GBA2: variants seen among roughly 807,000 people sequenced by gnomAD.
GBA2 encodes non-lysosomal glucosylceramidase.
In GBA2, 79 loss-of-function variants were observed where a neutral mutation model predicts 112.9. That is an observed-to-expected ratio of 0.70 (90% CI 0.58 to 0.84). The LOEUF is 0.84. Ranked by LOEUF, GBA2 falls within the 40% of genes least tolerant of loss-of-function variation. GBA2 has a pLI of 0.00. For missense variants in GBA2, 1,043 were observed against 1,190.0 expected, an observed-to-expected ratio of 0.88 and a Z score of 1.82; for synonymous variants, 403 against 434.3, an observed-to-expected ratio of 0.93 and a Z score of 0.90.
chr9:35,741,054 AGG>A lies in GBA2; in HGVS notation c.795_796del (p.Leu266AlafsTer12). ...ATCCCACACAAAGACTCCTACAGGC[AGG>A]CTGCTGTCCTGGGGGCAGAAGATTA... is the stretch of plus-strand genomic sequence containing the variant. On this transcript the variant is annotated frameshift_variant, in exon 5 of 17. Coordinates refer to ENST00000378103, the MANE Select transcript of GBA2 (RefSeq NM_020944.3). LOFTEE classifies it high-confidence loss of function. The surrounding 1 kb of genome is among the most constrained non-coding windows in gnomAD (Gnocchi z 4.6). The A allele has an allele frequency of 6.2e-7, 1 of 1,614,134 alleles. No individual in the cohort carries two copies. Among genetic ancestry groups the A allele is most frequent in the Non-Finnish European group, 8.5e-7 (1 of 1,180,014 alleles).
intron 1 of GBA2, 130 bp downstream of exon 1, chr9:35,748,216 G>A: frequency 1.6e-6 from 1 of 635,986 alleles, no homozygotes; most frequent in Non-Finnish European, 2.8e-6. Context: ...CCTAAAATAT[G>A]CCAGGGATAG....
Position 35,738,142 on chromosome 9 carries a change from G to A in GBA2, c.2208C>T (p.Tyr736=). The change falls in exon 15 of 17, where the codon TAC becomes TAT. Residue 736 remains tyrosine (Y), a synonymous_variant. Coordinates refer to ENST00000378103, the MANE Select transcript of GBA2 (RefSeq NM_020944.3). Reference sequence around the variant, plus strand: ...GAGGCCGAGAGCTGCTGTCATAGTTGTAATAGCGGCCTGGAGTCGAGGAAG... The same window carrying A: ...GAGGCCGAGAGCTGCTGTCATAGTTATAATAGCGGCCTGGAGTCGAGGAAG... The part of the protein sequence containing the change: ...YERLLWNGRY[Y]NYDSSSRPQS... 6.2e-7 allele frequency: 1 copy of A among 1,613,882 alleles called. No individual in the cohort carries two copies. Among genetic ancestry groups the A allele is most frequent in the Non-Finnish European group, 8.5e-7 (1 of 1,179,734 alleles).
Position 35,737,082 on chromosome 9 carries a change from CAG to C in GBA2, c.*85_*86del. 24 of 1,531,372 alleles carry C rather than the reference CAG, an allele frequency of 1.6e-5. No homozygotes were observed. The highest frequency in any genetic ancestry group is 2.1e-5 in the Non-Finnish European group (24 of 1,145,964). The allele number at this position is 1,531,372 out of a possible 1,614,324, so 94.9% of individuals were successfully genotyped here. On this transcript the variant is annotated 3_prime_UTR_variant, in exon 17 of 17. Transcript: ENST00000378103. The surrounding 1 kb of genome is among the most constrained non-coding windows in gnomAD (Gnocchi z 4.1). ...AAGGGGTATGATTGTCCTGATGGCTCAGGGTTGCAGGAGGTTCAGAGGGGAAG... is the reference window on the plus strand; with the variant it reads ...AAGGGGTATGATTGTCCTGATGGCTCGGTTGCAGGAGGTTCAGAGGGGAAG...
chr9:35,740,123 C>T lies in GBA2; in HGVS notation c.1284G>A (p.Arg428=). Residue 428 remains arginine, a splice_region_variant and synonymous_variant, in exon 8 of 17, where the codon AGG becomes AGA. Coordinates refer to ENST00000378103, the MANE Select transcript of GBA2 (RefSeq NM_020944.3). This position sits in a 1 kb window ranked among gnomAD's most constrained non-coding sequence, Gnocchi z 4.7. ...CCTGGCCAAAGAACCTTGTATACCG[C>T]CTGGGGTGGGAAGGGGAAGGATGAA... ...MFGAKGQVHY[R]RYTRFFGQDG... is the part of the protein sequence containing the mutation. 1.2e-6 allele frequency: 2 copies of T among 1,614,096 alleles called. No individual in the cohort carries two copies. The highest frequency in any genetic ancestry group is 1.3e-5 in the African/African-American group (1 of 75,002).
intron 1 of GBA2, among the ~76,000 whole-genome samples, 155 bp from the exon 2 acceptor site, chr9:35,744,861 C>G (rs1826896399): frequency 1.3e-5 from 2 of 152,116 alleles, no homozygotes; most frequent in Non-Finnish European, 2.9e-5. Flanking sequence ...GTTCAAGGTC[C>G]CTTCATCTTC....
intron 3 of GBA2, among the ~76,000 whole-genome samples, chr9:35,743,507 A>G (rs1160326712): frequency 6.6e-6 from 1 of 152,166 alleles, no homozygotes; most frequent in Non-Finnish European, 1.5e-5. Flanking sequence ...GCAGAGAGGG[A>G]TCTTGGGACA....
chr9:35,741,014 C>T lies in GBA2; in HGVS notation c.837G>A (p.Gly279=). The part of the protein sequence containing the change: ...GVFVWDVENE[G]DEALDVSIMF... ...TGATGGACACATCTAGAGCTTCGTC[C>T]CCTTCATTTTCCACATCCCACACAA... The change falls in exon 5 of 17, where the codon GGG becomes GGA. Residue 279 remains glycine (G), a synonymous_variant. Transcript: ENST00000378103. This position sits in a 1 kb window ranked among gnomAD's most constrained non-coding sequence, Gnocchi z 4.6. 1 of 1,613,982 alleles carries T rather than the reference C, an allele frequency of 6.2e-7. No homozygotes were observed.
In GBA2 at chr9:35,738,101, A is replaced by G. The variant is rs1405562846; in HGVS notation, c.2249T>C (p.Met750Thr). 3.1e-6 allele frequency: 5 copies of G among 1,613,912 alleles called. No homozygotes were observed. The highest frequency in any genetic ancestry group is 2.7e-5 in the African/African-American group (2 of 74,934). Residue 750 changes from methionine (M) to threonine (T), a missense_variant, in exon 15 of 17, where the codon ATG (methionine) becomes ACG (threonine). Coordinates refer to ENST00000378103, the MANE Select transcript of GBA2 (RefSeq NM_020944.3). Reference protein sequence around the residue: ...SSSRPQSRSVMSDQCAGQWFL... With the variant: ...SSSRPQSRSVTSDQCAGQWFL... ...CCACTGTCCAGCACACTGGTCAGAC[A>G]TAACACTACGAGACTGAGGCCGAGA...
intron 9 of GBA2, 92 bp from the exon 10 acceptor site, chr9:35,739,511 ATT>A: frequency 7.8e-7 from 1 of 1,277,424 alleles, no homozygotes; most frequent in African/African-American, 1.5e-5. Flanking sequence ...GAGGTGGGGC[ATT>A]GTTACTAGTC....
chr9:35,739,795 A>C lies in GBA2; in HGVS notation c.1415T>G (p.Leu472Arg). The change falls in exon 9 of 17, where the codon CTG becomes CGG. Residue 472 changes from leucine (L) to arginine (R), a missense_variant. Transcript: ENST00000378103. ...WQSPVLDDRS[L>R]PAWYKSALFN... is the part of the protein sequence containing the mutation. Reference sequence around the variant, plus strand: ...CAGCGCAGATTTGTACCAGGCAGGCAGTGATCTGGGAAGCGAGGAGGAGGA... The same window carrying C: ...CAGCGCAGATTTGTACCAGGCAGGCCGTGATCTGGGAAGCGAGGAGGAGGA... 1 of 1,613,878 alleles carries C rather than the reference A, an allele frequency of 6.2e-7. No homozygotes were observed. The highest frequency in any genetic ancestry group is 8.5e-7 in the Non-Finnish European group (1 of 1,179,774).
chr9:35,743,138 C>G (rs1200934092), intron 3 of GBA2: 2 of 153,740 alleles, frequency 1.3e-5, no homozygotes, highest in African/African-American at 4.8e-5. Flanking sequence ...GGTCCTGGGC[C>G]CAACCCCCCA....
In GBA2 at chr9:35,737,068, T is replaced by C. The variant is rs1403492428; in HGVS notation, c.*101A>G. ...GGTGGAGAGAAGGGAAGGGGTATGATTGTCCTGATGGCTCAGGGTTGCAGG... is the reference window on the plus strand; with the variant it reads ...GGTGGAGAGAAGGGAAGGGGTATGACTGTCCTGATGGCTCAGGGTTGCAGG... On this transcript the variant is annotated 3_prime_UTR_variant, in exon 17 of 17. Coordinates refer to ENST00000378103, the MANE Select transcript of GBA2 (RefSeq NM_020944.3). The surrounding 1 kb of genome is among the most constrained non-coding windows in gnomAD (Gnocchi z 4.1). The C allele has an allele frequency of 2.6e-6, 4 of 1,515,046 alleles. No homozygotes were observed. In the Admixed American group the frequency reaches 8.1e-5, roughly 31 times the overall value. The allele number at this position is 1,515,046 out of a possible 1,614,324, so 93.9% of individuals were successfully genotyped here.
chr9:35,739,201 G>A (rs185192911), intron 10 of GBA2, 92 bp from the exon 11 acceptor site: 19 of 1,019,432 alleles, frequency 1.9e-5, no homozygotes, highest in Admixed American at 1.8e-5. Flanking sequence ...GAACCAGTAA[G>A]CAGCATGCAG....
chr9:35,743,912 C>G (rs781760556), intron 3 of GBA2, among the ~76,000 whole-genome samples: 1 of 152,036 alleles, frequency 6.6e-6, no homozygotes, highest in Non-Finnish European at 1.5e-5. Context: ...TCTTTTTTTC[C>G]CATGAGTTTA....
rs1422345756 is a variant in GBA2 at position 35,737,346 on chromosome 9, C to G, written c.2607G>C (p.Gln869His). 1 of 1,614,174 alleles carries G rather than the reference C, an allele frequency of 6.2e-7. No individual in the cohort carries two copies. The highest frequency in any genetic ancestry group is 1.7e-5 in the Admixed American group (1 of 60,028). The change falls in exon 17 of 17, where the codon CAG becomes CAC. Residue 869 changes from glutamine (Q) to histidine (H), a missense_variant. Coordinates refer to ENST00000378103, the MANE Select transcript of GBA2 (RefSeq NM_020944.3). The surrounding 1 kb of genome is among the most constrained non-coding windows in gnomAD (Gnocchi z 4.1). ...AFQTPEAYCQ[Q>H]RVFRSLAYMR... is the part of the protein sequence containing the mutation. ...TGTAGGCCAGTGAGCGGAACACTCG[C>G]TGCTGGCAGTATGCCTCTGGGGTCT...
At position 35,748,240 on chromosome 9, in the gene GBA2, C is replaced by T. The variant is rs1827091295; in HGVS notation, c.359+106G>A. The stretch of plus-strand genomic sequence containing the variant: ...TGCCAGGGATAGGGACCGCTTCACT[C>T]AGACAAGAAGCCCAACTGCTTTCTT... On this transcript the variant is annotated intron_variant, in intron 1 of 16. Transcript: ENST00000378103. 7 of 729,782 alleles carry T rather than the reference C, an allele frequency of 9.6e-6. No homozygotes were observed. The South Asian group carries it at 1.2e-4, about 13-fold the overall frequency. The allele number at this position is 729,782 out of a possible 1,614,324, so 45.2% of individuals were successfully genotyped here.
intron 13 of GBA2, 62 bp from the exon 14 acceptor site, chr9:35,738,436 A>G: frequency 1.3e-6 from 2 of 1,596,540 alleles, no homozygotes; most frequent in Admixed American, 1.7e-5. Flanking sequence ...ATGCCGTGTA[A>G]TAGACAATGA....
In GBA2 at chr9:35,738,844, C is replaced by T. The variant is rs1169051189; in HGVS notation, c.1855G>A (p.Asp619Asn). 3 of 1,613,834 alleles carry T rather than the reference C, an allele frequency of 1.9e-6. No homozygotes were observed. Among genetic ancestry groups the T allele is most frequent in the Non-Finnish European group, 2.5e-6 (3 of 1,179,826 alleles). ...YLIHDTADWK[D>N]LNLKFVLQVY... The stretch of plus-strand genomic sequence containing the variant: ...TGCAGCACAAACTTCAGGTTCAGGT[C>T]CTTCCAATCAGCAGTATCATGGATT... Residue 619 changes from aspartate to asparagine, a missense_variant, in exon 12 of 17, where the codon GAC becomes AAC. Asp to Asn is a conservative substitution (Grantham distance 23). Transcript: ENST00000378103.
At position 35,739,982 on chromosome 9, in the gene GBA2, T is replaced by C. The variant is rs1826543506; in HGVS notation, c.1409+16A>G. The C allele has an allele frequency of 6.2e-7, 1 of 1,613,584 alleles. No individual in the cohort carries two copies. The highest frequency in any genetic ancestry group is 1.7e-5 in the Admixed American group (1 of 59,940). On this transcript the variant is annotated intron_variant, in intron 8 of 16. Coordinates refer to ENST00000378103, the MANE Select transcript of GBA2 (RefSeq NM_020944.3). The stretch of plus-strand genomic sequence containing the variant: ...GAGTGCCCAGGAGAAAGGCAAGAAA[T>C]GGGCCCCACTGGCACCTGTCATCCA...
Sources: allele counts gnomAD v4.1 joint callset (sites outside exome capture counted in the v4.1 genomes callset), GRCh38; gene constraint gnomAD v4.1.1; non-coding constraint Gnocchi (gnomAD v3.1); transcripts MANE v1.5; gene names NCBI Gene and HGNC (gene_info 2026-07-23, HGNC 2026-07-21).